The following FAM114A1 variants were observed in gnomAD, a reference collection of about 807,000 sequenced individuals.
The protein encoded by FAM114A1 is family with sequence similarity 114 member A1, also known as protein NOXP20.
FAM114A1 carries 62 observed loss-of-function variants against 64.3 expected under a neutral mutation model. The ratio of observed to expected loss-of-function variants is 0.96; its 90% CI spans 0.79 to 1.19. The LOEUF (loss-of-function observed/expected upper bound fraction) is 1.19. Ranked by LOEUF, FAM114A1 falls within the 50% of genes most tolerant of loss-of-function variation. The pLI is 0.00. For missense variants in FAM114A1, 645 were observed against 676.3 expected, an observed-to-expected ratio of 0.95 and a Z score of 0.51; for synonymous variants, 254 against 251.1, an observed-to-expected ratio of 1.01 and a Z score of -0.11.
intron 4 of FAM114A1, among the ~76,000 whole-genome samples, chr4:38,894,169 A>C (rs1396606323): frequency 1.7e-4 from 8 of 45,942 alleles, no homozygotes; most frequent in Non-Finnish European, 4.6e-4. Flanking sequence ...TCTCAAAAAA[A>C]AAAAAAAAAA....
intron 13 of FAM114A1, chr4:38,938,544 A>G (rs1041022145): frequency 1.3e-5 from 2 of 152,230 alleles, no homozygotes; most frequent in African/African-American, 4.8e-5. Context: ...GATAGGCTGG[A>G]CAAAATGCAT....
intron 13 of FAM114A1, among the ~76,000 whole-genome samples, chr4:38,936,846 G>A (rs1721155567): frequency 2.6e-5 from 4 of 152,206 alleles, no homozygotes; most frequent in Non-Finnish European, 1.5e-5. Context: ...CACCGCGCCT[G>A]GCAGAGATAA....
intron 3 of FAM114A1, among the ~76,000 whole-genome samples, chr4:38,891,255 T>A (rs1231316988): frequency 6.6e-6 from 1 of 152,154 alleles, no homozygotes; most frequent in Non-Finnish European, 1.5e-5. Flanking sequence ...CATCGCCAGG[T>A]GTATTGACGC....
intron 4 of FAM114A1, among the ~76,000 whole-genome samples, chr4:38,894,964 C>T (rs1716773881): frequency 2.6e-5 from 4 of 152,178 alleles, no homozygotes; most frequent in Admixed American, 2.6e-4. Flanking sequence ...ATCTGAGGCT[C>T]ACTTTTACCT....
intron 4 of FAM114A1, among the ~76,000 whole-genome samples, chr4:38,897,801 G>A (rs1213001211): frequency 1.3e-5 from 2 of 151,936 alleles, no homozygotes; most frequent in Non-Finnish European, 2.9e-5. Flanking sequence ...ACAAAAATTA[G>A]CTGAGTGTGG....
intron 9 of FAM114A1, among the ~76,000 whole-genome samples, chr4:38,925,595 A>G (rs113957846): frequency 2.1e-3 from 318 of 152,360 alleles, no homozygotes; most frequent in African/African-American, 7.2e-3. Flanking sequence ...CATTTTTTAG[A>G]TGAATTTAAT....
chr4:38,924,556 T>C lies in FAM114A1; in HGVS notation c.1069+1663T>C, dbSNP rs544740835. ...CCTTTCCCTCTTTAGCTCCACACAC[T>C]GACCTTACATGCCTTCAGCTTAATG... On this transcript the variant is annotated intron_variant, in intron 9 of 14. Coordinates refer to ENST00000358869, the MANE Select transcript of FAM114A1 (RefSeq NM_138389.4). 1.2e-4 allele frequency among the ~76,000 whole-genome samples: 19 copies of C among 152,302 alleles called. No individual in the cohort carries two copies. The East Asian group carries it at 3.1e-3, about 25-fold the overall frequency.
intron 8 of FAM114A1, among the ~76,000 whole-genome samples, chr4:38,918,437 A>T (rs1719281010): frequency 6.6e-6 from 1 of 152,168 alleles, no homozygotes; most frequent in African/African-American, 2.4e-5. Flanking sequence ...AAACAAATGG[A>T]GGCTTAGACT....
intron 7 of FAM114A1, among the ~76,000 whole-genome samples, chr4:38,908,934 T>C (rs1718283680): frequency 6.6e-6 from 1 of 152,198 alleles, no homozygotes; most frequent in African/African-American, 2.4e-5. Flanking sequence ...TCCTTAAGGA[T>C]TCTATCAGAG....
chr4:38,943,470 A>G lies in FAM114A1; in HGVS notation c.1605A>G (p.Thr535=). The change falls in exon 15 of 15, where the codon ACA becomes ACG. Residue 535 remains threonine (T), a synonymous_variant. Coordinates refer to ENST00000358869, the MANE Select transcript of FAM114A1 (RefSeq NM_138389.4). ...SSVLLEGCNS[T]TYIQDAFQLL... is the part of the protein sequence containing the mutation. ...TCCTCTCACAGGGCTGCAACAGTAC[A>G]ACGTACATACAGGATGCCTTCCAGC... The G allele has an allele frequency of 1.9e-6, 3 of 1,614,134 alleles. No individual in the cohort carries two copies. Among genetic ancestry groups the G allele is most frequent in the Non-Finnish European group, 2.5e-6 (3 of 1,179,986 alleles).
chr4:38,909,109 A>G (rs10026487), intron 7 of FAM114A1, among the ~76,000 whole-genome samples: 49,353 of 152,114 alleles, frequency 0.32, 8,262 homozygotes, highest in South Asian at 0.44. Context: ...TGCTTAATTC[A>G]CTTAATATTA....
rs769949683 is a variant in FAM114A1, at chr4:38,935,706, T to C, written c.1464-12T>C. ...TGAAAACATCCAAGCTTTTTTTTTTTTCTTCTTTCAGATTAACTACTGCAA... is the reference window on the plus strand; with the variant it reads ...TGAAAACATCCAAGCTTTTTTTTTTCTCTTCTTTCAGATTAACTACTGCAA... On this transcript the variant is annotated splice_polypyrimidine_tract_variant and intron_variant, in intron 12 of 14. Coordinates refer to ENST00000358869, the MANE Select transcript of FAM114A1 (RefSeq NM_138389.4). The C allele has an allele frequency of 1.3e-6, 2 of 1,566,348 alleles. No individual in the cohort carries two copies. Among genetic ancestry groups the C allele is most frequent in the Non-Finnish European group, 1.7e-6 (2 of 1,160,324 alleles).
chr4:38,880,539 T>C (rs1421372790), intron 3 of FAM114A1, among the ~76,000 whole-genome samples: 1 of 152,036 alleles, frequency 6.6e-6, no homozygotes, highest in Non-Finnish European at 1.5e-5. Context: ...AAGCCGCAGG[T>C]TTGGCAGTTT....
intron 2 of FAM114A1, among the ~76,000 whole-genome samples, chr4:38,871,337 C>T (rs1262076450): frequency 6.6e-6 from 1 of 151,996 alleles, no homozygotes; most frequent in Non-Finnish European, 1.5e-5. Flanking sequence ...AGTGATCTGT[C>T]TGCCTTGGCC....
Position 38,941,740 on chromosome 4 carries a change from G to A in FAM114A1, c.1590+719G>A, listed in dbSNP as rs548863052. Among the ~76,000 whole-genome samples, 26 of 152,300 alleles carry A rather than the reference G, an allele frequency of 1.7e-4. No homozygotes were observed. In the South Asian group the frequency reaches 4.4e-3, roughly 25 times the overall value. On this transcript the variant is annotated intron_variant, in intron 14 of 14. Coordinates refer to ENST00000358869, the MANE Select transcript of FAM114A1 (RefSeq NM_138389.4). ...GGGCTAAACTATAAGTAACAGCCGC[G>A]GGGCACCCAGCTGAAGGCACAAGGT...
At chr4:38,906,915 AAAC>A (rs1718064488) in intron 6 of FAM114A1, among the ~76,000 whole-genome samples, 1 of 152,250 alleles carries the variant, frequency 6.6e-6, no homozygotes, top group Non-Finnish European at 1.5e-5. Context: ...ATTAAAAGAA[AAAC>A]AACAACACAA....
chr4:38,917,648 A>C (rs1346532912), intron 8 of FAM114A1, among the ~76,000 whole-genome samples: 1 of 152,170 alleles, frequency 6.6e-6, no homozygotes, highest in Non-Finnish European at 1.5e-5. Flanking sequence ...TGCTGTAAAA[A>C]AAACATTACA....
chr4:38,943,254 C>G (rs575309122), intron 14 of FAM114A1, among the ~76,000 whole-genome samples: 1 of 151,588 alleles, frequency 6.6e-6, no homozygotes, highest in African/African-American at 2.4e-5. Context: ...GAATTATTCT[C>G]TCTGTTAGTA....
At chr4:38,873,869 A>G (rs1028751136) in intron 2 of FAM114A1, among the ~76,000 whole-genome samples, 4 of 152,158 alleles carry the variant, frequency 2.6e-5, no homozygotes, top group African/African-American at 9.7e-5. Context: ...AGGAAGGGGA[A>G]GCTCCTGAGG....
Sources: gnomAD v4.1 joint callset for allele counts (sites outside exome capture counted in the v4.1 genomes callset) on GRCh38, gnomAD v4.1.1 for gene constraint, MANE v1.5 for transcripts, NCBI Gene and HGNC (gene_info 2026-07-23, HGNC 2026-07-21) for gene names.